The following VWA8 variants were observed in gnomAD, a reference collection of about 807,000 sequenced individuals.
VWA8 encodes von Willebrand factor A domain-containing protein 8.
A neutral mutation model predicts 241.5 loss-of-function variants in VWA8; 221 were observed. The ratio of observed to expected loss-of-function variants is 0.91; its 90% CI spans 0.82 to 1.02. The LOEUF (loss-of-function observed/expected upper bound fraction) is 1.02. Ranked by LOEUF, VWA8 falls within the 50% of genes least tolerant of loss-of-function variation. The pLI is 0.00. For synonymous variants in VWA8, 852 were observed against 827.1 expected (o/e 1.03, Z -0.52); for missense variants, 2,322 against 2,328.7 (o/e 1.00, Z 0.06).
intron 9 of VWA8, among the ~76,000 whole-genome samples, 172 bp downstream of exon 9, chr13:41,883,215 G>A (rs1334810416): frequency 1.3e-5 from 2 of 152,032 alleles, no homozygotes; most frequent in African/African-American, 4.8e-5. Flanking sequence ...TCTTCTTGTT[G>A]GAATGCTGAT....
intron 20 of VWA8, among the ~76,000 whole-genome samples, chr13:41,774,920 G>A: frequency 6.6e-6 from 1 of 152,058 alleles, no homozygotes; most frequent in South Asian, 2.1e-4. Flanking sequence ...TGGGTACCCA[G>A]CTTATTACTT....
At chr13:41,708,760 G>C (rs1192478021) in intron 26 of VWA8, among the ~76,000 whole-genome samples, 1 of 152,116 alleles carries the variant, frequency 6.6e-6, no homozygotes, top group Admixed American at 6.6e-5. Flanking sequence ...TTCTTGGCAG[G>C]CACTTCTCAA....
At chr13:41,902,971 G>A (rs1024900968) in intron 4 of VWA8, among the ~76,000 whole-genome samples, 3 of 152,088 alleles carry the variant, frequency 2.0e-5, no homozygotes, top group African/African-American at 7.2e-5. Flanking sequence ...CCTATATTGG[G>A]CCATCAAGTT....
rs8000618 is a variant in VWA8, at chr13:41,771,403, G to A, written c.2349+6582C>T. On this transcript the variant is annotated intron_variant, in intron 20 of 44. Coordinates refer to ENST00000379310, the MANE Select transcript of VWA8 (RefSeq NM_015058.2). Reference sequence around the variant, plus strand: ...CTCCCAAAGGGCTGGGATTACAGGCGTGAGCCACCTCGCCCAGCCTAAAAA... The same window carrying A: ...CTCCCAAAGGGCTGGGATTACAGGCATGAGCCACCTCGCCCAGCCTAAAAA... 1.6e-3 allele frequency among the ~76,000 whole-genome samples: 241 copies of A among 151,240 alleles called. 1 individual carries two copies. The highest frequency in any genetic ancestry group is 5.5e-3 in the African/African-American group (226 of 41,244).
Position 41,691,339 on chromosome 13 carries a change from C to A in VWA8, c.3847G>T (p.Val1283Leu), listed in dbSNP as rs2045175761. 1 of 1,612,350 alleles carries A rather than the reference C, an allele frequency of 6.2e-7. No homozygotes were observed. The highest frequency in any genetic ancestry group is 8.5e-7 in the Non-Finnish European group (1 of 1,178,816). Reference protein sequence around the residue: ...FLVAEDKWLLVESKTNQKYLL... With the variant: ...FLVAEDKWLLLESKTNQKYLL... ...ACTCACTGATTTGTTTTGCTCTCCA[C>A]CAGAAGCCATTTGTCCTCTGCTACA... Residue 1283 changes from valine (V) to leucine (L), a missense_variant, in exon 32 of 45, where the codon GTG becomes TTG. Physicochemically the swap from Val to Leu is conservative, Grantham distance 32. Transcript: ENST00000379310.
At chr13:41,721,312 T>G in intron 25 of VWA8, 58 bp downstream of exon 25, 1 of 1,568,556 alleles carries the variant, frequency 6.4e-7, no homozygotes, top group Non-Finnish European at 8.7e-7. Flanking sequence ...AACTGTACAG[T>G]CTGAAAAAAT....
chr13:41,701,437 G>A lies in VWA8; in HGVS notation c.3319C>T (p.Pro1107Ser), dbSNP rs2045248906. 1 of 1,611,166 alleles carries A rather than the reference G, an allele frequency of 6.2e-7. No homozygotes were observed. Residue 1107 changes from proline (P) to serine (S), a missense_variant, in exon 28 of 45, where the codon CCA (proline) becomes TCA (serine). By Grantham distance (74) the Pro-to-Ser change is moderately conservative. Transcript: ENST00000379310. ...CAGATTATATTAATTTCATCCAATG[G>A]TATTCTCCATGAGGCACATTCTTCA... ...FTEECASWRI[P>S]LDEINIICDI... is the part of the protein sequence containing the mutation.
At chr13:41,575,978 G>A (rs1160197065) in intron 42 of VWA8, 140 bp from the exon 43 acceptor site, 5 of 595,620 alleles carry the variant, frequency 8.4e-6, no homozygotes, top group Non-Finnish European at 1.5e-5. Flanking sequence ...TGAGACAGAA[G>A]TGTGTTTAAT....
At chr13:41,798,435 C>T (rs1869801718) in intron 17 of VWA8, among the ~76,000 whole-genome samples, 1 of 152,158 alleles carries the variant, frequency 6.6e-6, no homozygotes, top group African/African-American at 2.4e-5. Context: ...GCAAAGACTT[C>T]TGGCATTGAT....
chr13:41,574,161 G>GAA (rs1037834139), intron 43 of VWA8, among the ~76,000 whole-genome samples: 6 of 126,660 alleles, frequency 4.7e-5, no homozygotes, highest in Admixed American at 1.7e-4. Context: ...CAACATTAAA[G>GAA]AAAAGTTTTC....
chr13:41,582,016 C>G lies in VWA8; in HGVS notation c.5271+5496G>C, dbSNP rs1323416851. 6.6e-5 allele frequency among the ~76,000 whole-genome samples: 10 copies of G among 152,310 alleles called. No individual in the cohort carries two copies. The South Asian group carries it at 8.3e-4, about 13-fold the overall frequency. The stretch of plus-strand genomic sequence containing the variant: ...TTTAATTTGAAGCACTACATGAACA[C>G]TAAGAATGATGCTGACTACAAGAGT... On this transcript the variant is annotated intron_variant, in intron 42 of 44. Coordinates refer to ENST00000379310, the MANE Select transcript of VWA8 (RefSeq NM_015058.2).
intron 35 of VWA8, among the ~76,000 whole-genome samples, chr13:41,681,613 T>C (rs1358931577): frequency 6.6e-6 from 1 of 152,212 alleles, no homozygotes; most frequent in Non-Finnish European, 1.5e-5. Context: ...TCTCTGACCA[T>C]ACTGGTAATG....
chr13:41,883,541 C>T (rs762414342), intron 8 of VWA8, 50 bp from the exon 9 acceptor site: 3 of 1,354,490 alleles, frequency 2.2e-6, no homozygotes, highest in Non-Finnish European at 3.2e-6. Context: ...AAAATAATCA[C>T]AGAAAACATC....
rs1167312214 is a variant in VWA8, at chr13:41,729,559, C to G, written c.2621G>C (p.Gly874Ala). The G allele has an allele frequency of 6.2e-7, 1 of 1,611,850 alleles. No individual in the cohort carries two copies. Among genetic ancestry groups the G allele is most frequent in the Non-Finnish European group, 8.5e-7 (1 of 1,179,076 alleles). The change falls in exon 23 of 45, where the codon GGA becomes GCA. Residue 874 changes from glycine (G) to alanine (A), a missense_variant. Gly to Ala is a moderately conservative substitution (Grantham distance 60, BLOSUM62 0). Coordinates refer to ENST00000379310, the MANE Select transcript of VWA8 (RefSeq NM_015058.2). ...VENGEMILAD[G>A]RRIVANSANV... is the part of the protein sequence containing the mutation. ...ATACTCACTTGCAACAATGCGTCTT[C>G]CATCTGCTAGAATCATTTCTCCATT...
At chr13:41,588,076 C>T (rs1270367842) in intron 41 of VWA8, among the ~76,000 whole-genome samples, 1 of 152,156 alleles carries the variant, frequency 6.6e-6, no homozygotes, top group Middle Eastern at 3.2e-3. Context: ...TGGAGGGAAG[C>T]CCATGTCAAT....
chr13:41,811,385 T>A (rs1321554792), intron 16 of VWA8, 45 bp from the exon 17 acceptor site: 5 of 1,517,370 alleles, frequency 3.3e-6, no homozygotes, highest in Non-Finnish European at 4.5e-6. Flanking sequence ...TGTTTCAACT[T>A]GCTAAAGTCC....
chr13:41,868,477 G>T lies in VWA8; in HGVS notation c.1081C>A (p.Arg361Ser). The change falls in exon 10 of 45, where the codon CGC becomes AGC. Residue 361 changes from arginine (R) to serine (S), a missense_variant and splice_region_variant. Coordinates refer to ENST00000379310, the MANE Select transcript of VWA8 (RefSeq NM_015058.2). ...CTTCCTGAATCTTGAAGTTCAAAGC[G>T]CTGTAAAATTACAAGAAAATCATGC... The part of the protein sequence containing the change: ...GKMAVEGVLK[R>S]FELQDSGSSL... 1 of 1,608,434 alleles carries T rather than the reference G, an allele frequency of 6.2e-7. No individual in the cohort carries two copies. Among genetic ancestry groups the T allele is most frequent in the East Asian group, 2.2e-5 (1 of 44,782 alleles).
intron 9 of VWA8, among the ~76,000 whole-genome samples, chr13:41,881,828 C>G: frequency 6.9e-6 from 1 of 145,748 alleles, no homozygotes; most frequent in South Asian, 2.2e-4. Flanking sequence ...CCTCACCTCC[C>G]GGACGGGGCG....
At chr13:41,681,973 C>G (rs772389779) in intron 35 of VWA8, among the ~76,000 whole-genome samples, 1 of 152,102 alleles carries the variant, frequency 6.6e-6, no homozygotes, top group African/African-American at 2.4e-5. Context: ...ATCTTTTAAG[C>G]CAAGTTAAAA....
Sources: gnomAD v4.1 joint callset for allele counts (sites outside exome capture counted in the v4.1 genomes callset) on GRCh38, gnomAD v4.1.1 for gene constraint, MANE v1.5 for transcripts, NCBI Gene and HGNC (gene_info 2026-07-23, HGNC 2026-07-21) for gene names.